Variants in ITGA8 observed in about 807,000 individuals in gnomAD.
The protein encoded by ITGA8 is integrin alpha-8.
A neutral mutation model predicts 142.3 loss-of-function variants in ITGA8; 91 were observed. The ratio of observed to expected loss-of-function variants is 0.64; its 90% CI spans 0.54 to 0.76. The LOEUF (loss-of-function observed/expected upper bound fraction) is 0.76, where lower values mean the gene tolerates loss of function less well. Among genes scored for constraint, ITGA8 ranks in the 30% least tolerant of loss-of-function variants. The pLI is 0.00. For missense variants in ITGA8, 1,406 were observed against 1,327.7 expected (o/e 1.06, Z -0.92); for synonymous variants, 505 against 485.2 (o/e 1.04, Z -0.54).
At chr10:15,668,329 C>T (rs941059009) in intron 8 of ITGA8, among the ~76,000 whole-genome samples, 7 of 151,782 alleles carry the variant, frequency 4.6e-5, no homozygotes, top group African/African-American at 1.7e-4. Flanking sequence ...TTATCAGAGA[C>T]TAGGATTGCA....
chr10:15,613,513 C>A (rs141557494), intron 15 of ITGA8, 147 bp downstream of exon 15: 2 of 679,650 alleles, frequency 2.9e-6, no homozygotes, highest in South Asian at 1.8e-5. Flanking sequence ...CACAGACCAG[C>A]AGCAGCAGCA....
At chr10:15,702,999 G>A (rs999785294) in intron 2 of ITGA8, among the ~76,000 whole-genome samples, 3 of 152,112 alleles carry the variant, frequency 2.0e-5, no homozygotes, top group Non-Finnish European at 4.4e-5. Flanking sequence ...AGTTCATAGT[G>A]AAATAAACTA....
intron 27 of ITGA8, among the ~76,000 whole-genome samples, chr10:15,537,071 C>T (rs568400710): frequency 3.5e-4 from 53 of 152,206 alleles, no homozygotes; most frequent in Non-Finnish European, 3.8e-4. Context: ...GCAACAATCA[C>T]AGAATAGGGG....
Position 15,572,681 on chromosome 10 carries a change from G to A in ITGA8, c.2479-312C>T, listed in dbSNP as rs561988521. Among the ~76,000 whole-genome samples the A allele has an allele frequency of 7.5e-4, 114 of 152,262 alleles. 1 individual carries two copies. In the South Asian group the frequency reaches 0.022, roughly 30 times the overall value. On this transcript the variant is annotated intron_variant, in intron 24 of 29. Coordinates refer to ENST00000378076, the MANE Select transcript of ITGA8 (RefSeq NM_003638.3). ...AAATTTATGTTAATTTAATCATAGC[G>A]CTAGAAATTTTAATTTTGATTTTAT...
chr10:15,625,341 T>A (rs1564380130), intron 13 of ITGA8, among the ~76,000 whole-genome samples: 1 of 152,220 alleles, frequency 6.6e-6, no homozygotes. Flanking sequence ...AGAATGATCC[T>A]TCCACCTTCA....
intron 16 of ITGA8, 54 bp from the exon 17 acceptor site, chr10:15,607,885 T>A: frequency 7.0e-7 from 1 of 1,428,192 alleles, no homozygotes; most frequent in Admixed American, 1.8e-5. Context: ...CAGTGCTCTA[T>A]CAGAGAGATG....
intron 6 of ITGA8, among the ~76,000 whole-genome samples, chr10:15,674,048 G>A (rs1380035938): frequency 6.6e-6 from 1 of 152,042 alleles, no homozygotes; most frequent in African/African-American, 2.4e-5. Context: ...TAGTCTTTGG[G>A]AATTCACACA....
At position 15,643,679 on chromosome 10, in the gene ITGA8, T is replaced by C. The variant is rs534032217; in HGVS notation, c.1399+351A>G. On this transcript the variant is annotated intron_variant, in intron 13 of 29. Coordinates refer to ENST00000378076, the MANE Select transcript of ITGA8 (RefSeq NM_003638.3). ...AGCTATGAGCTCAAAAGGGTTAAAA[T>C]AATTTGCGCCAGAAAGGATGCAAGC... Among the ~76,000 whole-genome samples, 86 of 152,328 alleles carry C rather than the reference T, an allele frequency of 5.6e-4. 4 individuals are homozygous for C. The South Asian group carries it at 0.018, about 31-fold the overall frequency.
At chr10:15,687,056 C>T (rs774449950) in intron 3 of ITGA8, among the ~76,000 whole-genome samples, 3 of 152,138 alleles carry the variant, frequency 2.0e-5, no homozygotes, top group African/African-American at 7.2e-5. Context: ...TATATTAATG[C>T]AAAGACAACT....
chr10:15,692,943 C>T (rs1034077662), intron 2 of ITGA8, among the ~76,000 whole-genome samples: 2 of 152,142 alleles, frequency 1.3e-5, no homozygotes, highest in Non-Finnish European at 2.9e-5. Context: ...TGATGCACAT[C>T]TGTAGTCTCA....
chr10:15,535,031 G>C (rs958896930), intron 27 of ITGA8, among the ~76,000 whole-genome samples: 59 of 152,336 alleles, frequency 3.9e-4, no homozygotes, highest in African/African-American at 1.4e-3. Flanking sequence ...TTGCGGGCCA[G>C]TGTGAGTTCC....
At position 15,657,509 on chromosome 10, in the gene ITGA8, C is replaced by CTTTTTTTTTTTT. The variant is rs534714654; in HGVS notation, c.948+1489_948+1490insAAAAAAAAAAAA. On this transcript the variant is annotated intron_variant, in intron 10 of 29. Coordinates refer to ENST00000378076, the MANE Select transcript of ITGA8 (RefSeq NM_003638.3). ...CTGCTGGTTTCTTTTTCTTTTCTTT[C>CTTTTTTTTTTTT]ATTTTTTTTTTTTTTTTTTTTTAAC... Among the ~76,000 whole-genome samples the CTTTTTTTTTTTT allele has an allele frequency of 1.1e-4, 13 of 116,486 alleles. 1 individual carries two copies. The highest frequency in any genetic ancestry group is 2.2e-4 in the African/African-American group (7 of 31,330). The allele number at this position is 116,486 out of a possible 152,430, so 76.4% of individuals were successfully genotyped here. A position where few individuals can be genotyped will look rare whatever the true frequency, so the allele number is the denominator to read the frequency against.
chr10:15,563,116 C>T (rs1834013275), intron 25 of ITGA8, among the ~76,000 whole-genome samples: 1 of 145,052 alleles, frequency 6.9e-6, no homozygotes, highest in Admixed American at 6.9e-5. Context: ...CCCACTCTGT[C>T]TTCTGCTATG....
At chr10:15,545,345 C>G (rs1833648436) in intron 27 of ITGA8, among the ~76,000 whole-genome samples, 1 of 152,242 alleles carries the variant, frequency 6.6e-6, no homozygotes, top group South Asian at 2.1e-4. Flanking sequence ...CCTTGTTCCA[C>G]TTGCTCCACT....
rs67683436 is a variant in ITGA8, at chr10:15,549,201, G to GTTTTTTTTTTTTT, written c.2767-646_2767-634dup. 2.1e-3 allele frequency among the ~76,000 whole-genome samples: 223 copies of GTTTTTTTTTTTTT among 107,168 alleles called. 11 individuals are homozygous for GTTTTTTTTTTTTT. Among genetic ancestry groups the GTTTTTTTTTTTTT allele is most frequent in the Middle Eastern group, 4.2e-3 (1 of 236 alleles). 70.3% of individuals were successfully genotyped at this position (107,168 alleles called of 152,430 possible). ...TTCTTTCTTTTTTCTTTTCTTTTCTGTTTTTTTTTTTTTTTTTTTTTTTTT... is the reference window on the plus strand; with the variant it reads ...TTCTTTCTTTTTTCTTTTCTTTTCTGTTTTTTTTTTTTTTTTTTTTTTTTTTTTTTTTTTTTTT... On this transcript the variant is annotated intron_variant, in intron 26 of 29. Transcript: ENST00000378076.
In ITGA8 at chr10:15,718,833, G is replaced by T. The variant is rs1426217388; in HGVS notation, c.276C>A (p.Ala92=). ...CCGCGGGCCAAGGACAGTAATAGAC[G>T]GCTCCCCCTTCCACGATATCGGGCT... ...TSQPDIVEGG[A]VYYCPWPAEG... Residue 92 remains alanine (A), a synonymous_variant, in exon 2 of 30, where the codon GCC becomes GCA. Transcript: ENST00000378076. 4.3e-6 allele frequency: 7 copies of T among 1,614,000 alleles called. No individual in the cohort carries two copies. The African/African-American group carries it at 8.0e-5, about 18-fold the overall frequency.
intron 29 of ITGA8, among the ~76,000 whole-genome samples, chr10:15,517,624 C>T (rs547340063): frequency 1.3e-5 from 2 of 152,308 alleles, no homozygotes; most frequent in South Asian, 4.1e-4. Context: ...ACACCTGGCC[C>T]TTTATGTATT....
intron 24 of ITGA8, among the ~76,000 whole-genome samples, chr10:15,572,946 A>G (rs113622924): frequency 2.0e-5 from 3 of 152,364 alleles, no homozygotes; most frequent in African/African-American, 7.2e-5. Flanking sequence ...CATCTCATAA[A>G]GAGATGAACA....
chr10:15,693,720 A>G (rs895648147), intron 2 of ITGA8, among the ~76,000 whole-genome samples: 21 of 152,174 alleles, frequency 1.4e-4, no homozygotes, highest in African/African-American at 3.9e-4. Context: ...GATTTCTTCT[A>G]TAAAATGAGG....
Sources: allele counts gnomAD v4.1 joint callset (sites outside exome capture counted in the v4.1 genomes callset), GRCh38; gene constraint gnomAD v4.1.1; transcripts MANE v1.5; gene names NCBI Gene and HGNC (gene_info 2026-07-23, HGNC 2026-07-21).